The following CLASP2 variants were observed in gnomAD, a reference collection of about 807,000 sequenced individuals.
CLASP2 encodes CLIP-associating protein 2.
In CLASP2, 47 loss-of-function variants were observed where a neutral mutation model predicts 194.4. That is an observed-to-expected ratio of 0.24 (90% CI 0.19 to 0.31). CLASP2 has a LOEUF of 0.31. Ranked by LOEUF, CLASP2 falls within the 10% of genes least tolerant of loss-of-function variation. CLASP2 has a pLI of 1.00. For synonymous variants in CLASP2, 619 were observed against 633.5 expected (o/e 0.98, Z 0.34); for missense variants, 1,445 against 1,823.6 (o/e 0.79, Z 3.78).
chr3:33,669,910 T>C (rs2086843518), intron 6 of CLASP2, among the ~76,000 whole-genome samples: 3 of 152,068 alleles, frequency 2.0e-5, no homozygotes, highest in South Asian at 4.1e-4. Context: ...CCACAAAGCA[T>C]ATACAAGAAA....
intron 12 of CLASP2, among the ~76,000 whole-genome samples, chr3:33,616,159 T>C (rs1043328479): frequency 2.0e-5 from 3 of 152,016 alleles, no homozygotes; most frequent in East Asian, 1.9e-4. Flanking sequence ...TATAAAAGAA[T>C]GTATAACATT....
At chr3:33,673,855 C>G (rs897260903) in intron 6 of CLASP2, among the ~76,000 whole-genome samples, 8 of 152,168 alleles carry the variant, frequency 5.3e-5, no homozygotes, top group Admixed American at 1.3e-4. Context: ...AAGGCCATTA[C>G]ATAATGGTAA....
chr3:33,592,318 C>T, intron 21 of CLASP2, 77 bp downstream of exon 21: 1 of 1,010,998 alleles, frequency 9.9e-7, no homozygotes, highest in Non-Finnish European at 1.5e-6. Flanking sequence ...GGTCAATCGT[C>T]TAATACAGTA....
intron 8 of CLASP2, among the ~76,000 whole-genome samples, chr3:33,635,969 C>T (rs1350177218): frequency 6.6e-6 from 1 of 152,014 alleles, no homozygotes; most frequent in Admixed American, 6.5e-5. Flanking sequence ...AACTACAGAG[C>T]CCTTACTGAA....
chr3:33,620,896 G>A (rs1225248902), intron 11 of CLASP2, among the ~76,000 whole-genome samples: 1 of 152,000 alleles, frequency 6.6e-6, no homozygotes, highest in Non-Finnish European at 1.5e-5. Flanking sequence ...CAGCTCCCAG[G>A]CATTCGTTCC....
intron 29 of CLASP2, among the ~76,000 whole-genome samples, chr3:33,552,893 A>G (rs769448635): frequency 1.3e-5 from 2 of 152,190 alleles, no homozygotes; most frequent in Non-Finnish European, 2.9e-5. Context: ...TCAAGTATAC[A>G]ATACATTGTT....
intron 8 of CLASP2, among the ~76,000 whole-genome samples, chr3:33,633,964 A>C (rs2079607500): frequency 6.6e-6 from 1 of 152,208 alleles, no homozygotes; most frequent in Non-Finnish European, 1.5e-5. Context: ...TGAAATTTCC[A>C]GATTAATGAA....
rs571506099 is a variant in CLASP2 at position 33,583,026 on chromosome 3, T to A, written c.2240-1098A>T. Among the ~76,000 whole-genome samples the A allele has an allele frequency of 2.6e-5, 4 of 152,290 alleles. No homozygotes were observed. The Middle Eastern group carries it at 0.01, about 388-fold the overall frequency. The stretch of plus-strand genomic sequence containing the variant: ...ACTCCTACACACTATTTCTAAGGAA[T>A]TATTTGTGAATGTGTACGAGCAAAG... On this transcript the variant is annotated intron_variant, in intron 22 of 38. Coordinates refer to ENST00000682230, the MANE Select transcript of CLASP2 (RefSeq NM_001365631.1).
In CLASP2 at chr3:33,576,290, G is replaced by C; in HGVS notation, c.2348-15C>G. 1 of 1,597,750 alleles carries C rather than the reference G, an allele frequency of 6.3e-7. No homozygotes were observed. The highest frequency in any genetic ancestry group is 1.1e-5 in the South Asian group (1 of 90,576). On this transcript the variant is annotated splice_polypyrimidine_tract_variant and intron_variant, in intron 23 of 38. Coordinates refer to ENST00000682230, the MANE Select transcript of CLASP2 (RefSeq NM_001365631.1). ...ATAACCTGGACCTAATTCATCAAAAGAAGGAAAATAGATTTGAAGGAGTCA... is the reference window on the plus strand; with the variant it reads ...ATAACCTGGACCTAATTCATCAAAACAAGGAAAATAGATTTGAAGGAGTCA...
intron 20 of CLASP2, among the ~76,000 whole-genome samples, chr3:33,594,690 T>C (rs562474362): frequency 6.6e-6 from 1 of 151,200 alleles, no homozygotes; most frequent in South Asian, 2.1e-4. Flanking sequence ...ATACTAGATA[T>C]TATTAAACAT....
chr3:33,696,893 T>C lies in CLASP2; in HGVS notation c.236A>G (p.Asp79Gly), dbSNP rs1282628153. ...GGATTTAAAGCGTGTTGATAATCTG[T>C]CCACAAAGGCACTTAAAATTTCCAA... is the stretch of plus-strand genomic sequence containing the variant. ...MGLEILSAFV[D>G]RLSTRFKSYV... is the part of the protein sequence containing the mutation. The change falls in exon 2 of 39, where the codon GAC becomes GGC. Residue 79 changes from aspartate to glycine, a missense_variant. Asp to Gly is a moderately conservative substitution (Grantham distance 94). Coordinates refer to ENST00000682230, the MANE Select transcript of CLASP2 (RefSeq NM_001365631.1). The C allele has an allele frequency of 6.3e-7, 1 of 1,597,390 alleles. No homozygotes were observed. The highest frequency in any genetic ancestry group is 1.3e-5 in the African/African-American group (1 of 74,770).
At chr3:33,529,841 A>T (rs1049523519) in intron 34 of CLASP2, among the ~76,000 whole-genome samples, 1 of 151,808 alleles carries the variant, frequency 6.6e-6, no homozygotes, top group Admixed American at 6.6e-5. Flanking sequence ...AGCCGGGCGC[A>T]GTGGCGGGCG....
chr3:33,635,605 G>C (rs748756379), intron 8 of CLASP2, among the ~76,000 whole-genome samples: 1 of 152,134 alleles, frequency 6.6e-6, no homozygotes, highest in Non-Finnish European at 1.5e-5. Context: ...ACCCACAAAT[G>C]TAAGAAATTT....
At chr3:33,706,289 A>C (rs2092681285) in intron 1 of CLASP2, among the ~76,000 whole-genome samples, 1 of 152,206 alleles carries the variant, frequency 6.6e-6, no homozygotes. Context: ...ATGATGGAAA[A>C]TAAAGTTTTA....
chr3:33,697,447 C>T (rs1445284947), intron 1 of CLASP2, among the ~76,000 whole-genome samples: 1 of 152,146 alleles, frequency 6.6e-6, no homozygotes, highest in Non-Finnish European at 1.5e-5. Flanking sequence ...CGTACCTAAA[C>T]ATAAAAAGGT....
At chr3:33,680,132 C>T (rs2089546426) in intron 6 of CLASP2, among the ~76,000 whole-genome samples, 1 of 152,136 alleles carries the variant, frequency 6.6e-6, no homozygotes, top group South Asian at 2.1e-4. Flanking sequence ...TTTGAAAAAG[C>T]TACATATTGT....
chr3:33,551,279 T>C lies in CLASP2; in HGVS notation c.3126A>G (p.Thr1042=), dbSNP rs1379028497. The C allele has an allele frequency of 6.2e-7, 1 of 1,613,598 alleles. No homozygotes were observed. The highest frequency in any genetic ancestry group is 1.7e-5 in the Admixed American group (1 of 59,992). ...TCCGAACATCAGAACTTTTGGGTTC[T>C]GTTGTCCAAGTGATGACCCGAGACA... ...LAVSRVITWT[T]EPKSSDVRKA... Residue 1042 remains threonine, a synonymous_variant, in exon 30 of 39, where the codon ACA becomes ACG. Transcript: ENST00000682230.
At chr3:33,669,199 G>T (rs949710214) in intron 6 of CLASP2, among the ~76,000 whole-genome samples, 7 of 152,048 alleles carry the variant, frequency 4.6e-5, no homozygotes, top group African/African-American at 1.7e-4. Flanking sequence ...AGTGGTGTTG[G>T]GTCAAGTGAG....
intron 1 of CLASP2, among the ~76,000 whole-genome samples, chr3:33,707,640 T>C (rs567512016): frequency 1.0e-3 from 157 of 152,134 alleles, no homozygotes; most frequent in African/African-American, 3.5e-3. Context: ...AGGAAGGAGA[T>C]GAAAGGAGAG....
Sources: gnomAD v4.1 joint callset for allele counts (sites outside exome capture counted in the v4.1 genomes callset) on GRCh38, gnomAD v4.1.1 for gene constraint, MANE v1.5 for transcripts, NCBI Gene and HGNC (gene_info 2026-07-23, HGNC 2026-07-21) for gene names.